The following MOB1B variants were observed in gnomAD, a reference collection of about 807,000 sequenced individuals.
MOB1B encodes the protein MOB kinase activator 1B.
MOB1B carries 19 observed loss-of-function variants against 24.4 expected under a neutral mutation model. That is an observed-to-expected ratio of 0.78 (90% CI 0.54 to 1.14). The LOEUF is 1.14. MOB1B is among the 50% of genes most tolerant of loss of function. The probability of loss-of-function intolerance (pLI) is 0.00; values close to 1 mark genes in which losing one functional copy is unlikely to be tolerated. For missense variants in MOB1B, 243 were observed against 259.6 expected, an observed-to-expected ratio of 0.94 and a Z score of 0.44; for synonymous variants, 76 against 82.1, an observed-to-expected ratio of 0.93 and a Z score of 0.40.
chr4:70,979,263 C>G lies in MOB1B; in HGVS notation c.545C>G (p.Ser182Cys). The G allele has an allele frequency of 6.2e-7, 1 of 1,613,540 alleles. No homozygotes were observed. The highest frequency in any genetic ancestry group is 8.5e-7 in the Non-Finnish European group (1 of 1,179,822). The change falls in exon 5 of 6, where the codon TCT (serine) becomes TGT (cysteine). Residue 182 changes from serine (S) to cysteine (C), a missense_variant. Transcript: ENST00000309395. ...QLQEEAHLNT[S>C]FKHFIFFVQE... ...CAGGAGGAAGCACATCTAAATACAT[C>G]TTTCAAGCACTTTATTTTTTTTGTC...
At chr4:70,963,632 C>T (rs1168162186) in intron 2 of MOB1B, among the ~76,000 whole-genome samples, 2 of 151,822 alleles carry the variant, frequency 1.3e-5, no homozygotes, top group East Asian at 3.9e-4. Context: ...CCATCGTGGA[C>T]AACATGGCAA....
At chr4:70,910,861 TCA>T (rs1735954311) in intron 1 of MOB1B, among the ~76,000 whole-genome samples, 1 of 152,008 alleles carries the variant, frequency 6.6e-6, no homozygotes, top group African/African-American at 2.4e-5. Flanking sequence ...TGATCTCAGC[TCA>T]CTGCAACCTC....
At chr4:70,954,576 T>G (rs1329640538) in intron 1 of MOB1B, among the ~76,000 whole-genome samples, 1 of 136,938 alleles carries the variant, frequency 7.3e-6, no homozygotes, top group Non-Finnish European at 1.6e-5. Context: ...CTGCCTCAGC[T>G]TCCTGAGTAG....
chr4:70,929,827 A>C (rs1041538615), intron 1 of MOB1B, among the ~76,000 whole-genome samples: 1 of 151,748 alleles, frequency 6.6e-6, no homozygotes, highest in Non-Finnish European at 1.5e-5. Context: ...TTGTATTTTT[A>C]GTAGAGACGG....
chr4:70,915,509 G>T (rs988932112), intron 1 of MOB1B, among the ~76,000 whole-genome samples: 4 of 152,176 alleles, frequency 2.6e-5, no homozygotes, highest in African/African-American at 9.7e-5. Flanking sequence ...ACTTTCTAGA[G>T]GATTCCATTA....
chr4:70,939,148 T>C (rs1037590906), intron 1 of MOB1B, among the ~76,000 whole-genome samples: 14 of 152,238 alleles, frequency 9.2e-5, no homozygotes, highest in African/African-American at 3.4e-4. Context: ...TTCCTTTCAC[T>C]TAGACACAAC....
intron 1 of MOB1B, among the ~76,000 whole-genome samples, chr4:70,925,044 TTTTTA>T (rs1736594153): frequency 6.6e-6 from 1 of 152,146 alleles, no homozygotes; most frequent in Non-Finnish European, 1.5e-5. Context: ...TTTTATTTTA[TTTTTA>T]TTTTATTTTT....
At chr4:70,933,777 C>T (rs975474480) in intron 1 of MOB1B, among the ~76,000 whole-genome samples, 2 of 152,060 alleles carry the variant, frequency 1.3e-5, no homozygotes, top group East Asian at 2.0e-4. Flanking sequence ...GTCTCAAACT[C>T]GTGACCTTAT....
intron 2 of MOB1B, among the ~76,000 whole-genome samples, chr4:70,963,064 T>TA (rs1201079658): frequency 1.3e-5 from 2 of 151,528 alleles, no homozygotes. Context: ...GTAAAGAAAA[T>TA]AAAAAATGAA....
intron 1 of MOB1B, among the ~76,000 whole-genome samples, chr4:70,926,561 CTGTT>C (rs570769492): frequency 1.7e-3 from 257 of 152,310 alleles, no homozygotes; most frequent in African/African-American, 5.1e-3. Flanking sequence ...AGTGTATAAA[CTGTT>C]TGTGCATTCC....
At chr4:70,906,249 A>G (rs1002434802) in intron 1 of MOB1B, among the ~76,000 whole-genome samples, 6 of 152,092 alleles carry the variant, frequency 3.9e-5, no homozygotes, top group Non-Finnish European at 8.8e-5. Flanking sequence ...GTGGTGGCGG[A>G]TGCCTATAAT....
intron 1 of MOB1B, among the ~76,000 whole-genome samples, chr4:70,904,973 A>G (rs1735678685): frequency 6.6e-6 from 1 of 152,212 alleles, no homozygotes; most frequent in Non-Finnish European, 1.5e-5. Context: ...ACTAATGTAT[A>G]TAGAACTTTA....
chr4:70,938,314 C>T (rs1737168849), intron 1 of MOB1B, among the ~76,000 whole-genome samples: 1 of 9,288 alleles, frequency 1.1e-4, no homozygotes, highest in Non-Finnish European at 3.1e-4. Context: ...AGATTTGCCG[C>T]CCCCGCCCCC....
Position 70,940,349 on chromosome 4 carries a change from G to A in MOB1B, c.15-18525G>A, listed in dbSNP as rs117530809. Among the ~76,000 whole-genome samples, 346 of 152,268 alleles carry A rather than the reference G, an allele frequency of 2.3e-3. 16 individuals carry two copies. In the East Asian group the frequency reaches 0.055, roughly 24 times the overall value. ...TTTCTGCCTCCCTTCTATACCACTA[G>A]GAGGTGGAGGTTGCAGTGAGCTAAG... On this transcript the variant is annotated intron_variant, in intron 1 of 5. Coordinates refer to ENST00000309395, the MANE Select transcript of MOB1B (RefSeq NM_173468.4).
intron 1 of MOB1B, among the ~76,000 whole-genome samples, chr4:70,919,232 G>A (rs1578350759): frequency 6.6e-6 from 1 of 151,574 alleles, no homozygotes; most frequent in South Asian, 2.1e-4. Context: ...TGGGTGCAGT[G>A]CACCAGCATG....
At chr4:70,931,448 A>T (rs900540073) in intron 1 of MOB1B, among the ~76,000 whole-genome samples, 1 of 152,198 alleles carries the variant, frequency 6.6e-6, no homozygotes, top group African/African-American at 2.4e-5. Context: ...TTTTTATTTG[A>T]CAACATGCAG....
intron 1 of MOB1B, among the ~76,000 whole-genome samples, chr4:70,954,629 C>A (rs761703670): frequency 2.0e-5 from 3 of 151,342 alleles, no homozygotes; most frequent in Admixed American, 2.0e-4. Flanking sequence ...CTAATTATTA[C>A]GTTTTTAGTA....
rs551818075 is a variant in MOB1B at position 70,973,101 on chromosome 4, G to A, written c.276-2052G>A. 5.3e-5 allele frequency among the ~76,000 whole-genome samples: 8 copies of A among 152,144 alleles called. No individual in the cohort carries two copies. In the South Asian group the frequency reaches 1.7e-3, roughly 32 times the overall value. On this transcript the variant is annotated intron_variant, in intron 3 of 5. Transcript: ENST00000309395. ...TTATTTTATTTTTCAAAAAGCCTTA[G>A]GATATTGAAAGTTAATATTTTTAAA...
intron 1 of MOB1B, among the ~76,000 whole-genome samples, chr4:70,903,005 CCT>C (rs1245381012): frequency 6.6e-6 from 1 of 152,206 alleles, no homozygotes; most frequent in African/African-American, 2.4e-5. Flanking sequence ...CGTACTTTCC[CCT>C]GTCATCCCAG....
Sources: gnomAD v4.1 joint callset for allele counts (sites outside exome capture counted in the v4.1 genomes callset) on GRCh38, gnomAD v4.1.1 for gene constraint, MANE v1.5 for transcripts, NCBI Gene and HGNC (gene_info 2026-07-23, HGNC 2026-07-21) for gene names.